Variants in GRAP2 observed in about 807,000 individuals in gnomAD.
GRAP2 encodes the protein GRB2-related adapter protein 2.
A neutral mutation model predicts 43.5 loss-of-function variants in GRAP2; 31 were observed. That is an observed-to-expected ratio of 0.71 (90% CI 0.54 to 0.96). The LOEUF is 0.96. GRAP2 is among the 40% of genes least tolerant of loss of function. The probability of loss-of-function intolerance (pLI) is 0.00; values close to 1 mark genes in which losing one functional copy is unlikely to be tolerated. For synonymous variants in GRAP2, 156 were observed against 164.8 expected, an observed-to-expected ratio of 0.95 and a Z score of 0.41; for missense variants, 371 against 424.4, an observed-to-expected ratio of 0.87 and a Z score of 1.11.
At chr22:39,898,892 A>T (rs570025800), upstream of GRAP2, among the ~76,000 whole-genome samples, 275 of 152,322 alleles carry the variant, frequency 1.8e-3, 2 homozygotes, top group African/African-American at 6.2e-3. Context: ...GGAATTGATT[A>T]AAAAAATTTT....
intron 1 of GRAP2, among the ~76,000 whole-genome samples, chr22:39,918,480 T>A (rs1009460249): frequency 1.3e-5 from 2 of 152,150 alleles, no homozygotes; most frequent in Admixed American, 1.3e-4. Flanking sequence ...CGACACTGAG[T>A]TGTGTCTTGT....
At chr22:39,911,214 A>G (rs1463859198) in intron 1 of GRAP2, among the ~76,000 whole-genome samples, 1 of 152,168 alleles carries the variant, frequency 6.6e-6, no homozygotes, top group Non-Finnish European at 1.5e-5. Context: ...TGTGAAAGTT[A>G]ATGACTTCAT....
rs4820393 is a variant in GRAP2 at position 39,969,642 on chromosome 22, G to A, written c.813+109G>A. 150 of 1,202,458 alleles carry A rather than the reference G, an allele frequency of 1.2e-4. 1 individual carries two copies. The Middle Eastern group carries it at 1.4e-3, about 11-fold the overall frequency. 74.5% of individuals were successfully genotyped at this position (1,202,458 alleles called of 1,614,324 possible). On this transcript the variant is annotated intron_variant, in intron 7 of 7. Transcript: ENST00000344138. ...AAACCACACAGATCTGGCTGGGCAC[G>A]GTGGCTCACACCTGTAATCCCAACA...
chr22:39,971,311 C>T lies in GRAP2; in HGVS notation c.*227C>T, dbSNP rs1189872404. On this transcript the variant is annotated 3_prime_UTR_variant, in exon 8 of 8. Transcript: ENST00000344138. ...TTGACACTTGCTTTTCTGCCCCCCT[C>T]AGGGGTGTGTGGAAGGCAGTGGGGG... 1.9e-6 allele frequency: 1 copy of T among 514,094 alleles called. No individual in the cohort carries two copies. Among genetic ancestry groups the T allele is most frequent in the Admixed American group, 4.1e-5 (1 of 24,182 alleles). The allele number at this position is 514,094 out of a possible 1,614,324, so 31.8% of individuals were successfully genotyped here. A position where few individuals can be genotyped will look rare whatever the true frequency, so the allele number is the denominator to read the frequency against.
At chr22:39,966,246 G>A (rs945691756) in intron 5 of GRAP2, 88 bp downstream of exon 5, 35 of 989,692 alleles carry the variant, frequency 3.5e-5, no homozygotes, top group Non-Finnish European at 5.0e-5. Flanking sequence ...GCATAGGATG[G>A]GTAGATCCTC....
At chr22:39,913,275 G>T (rs1389638446) in intron 1 of GRAP2, among the ~76,000 whole-genome samples, 2 of 152,068 alleles carry the variant, frequency 1.3e-5, no homozygotes, top group Non-Finnish European at 2.9e-5. Context: ...GTGGAAGGAG[G>T]TGTGGGAGAA....
intron 6 of GRAP2, chr22:39,968,507 A>C: frequency 1.8e-6 from 1 of 546,926 alleles, no homozygotes. Context: ...ACACACTTAA[A>C]CTCACACACA....
chr22:39,946,949 G>T lies in GRAP2; in HGVS notation c.-14-144G>T, dbSNP rs1343612825. 4.7e-6 allele frequency: 3 copies of T among 633,754 alleles called. No homozygotes were observed. In the East Asian group the frequency reaches 8.2e-5, roughly 17 times the overall value. The allele number at this position is 633,754 out of a possible 1,614,324, so 39.3% of individuals were successfully genotyped here. On this transcript the variant is annotated intron_variant, in intron 1 of 7. Coordinates refer to ENST00000344138, the MANE Select transcript of GRAP2 (RefSeq NM_004810.4). ...GCTCTTCCTGCAAACACAAGCCCTT[G>T]TTGTGTGCCTGAGCCTTGCTCTCCG...
intron 4 of GRAP2, chr22:39,960,428 C>T (rs2067106802): frequency 2.3e-6 from 1 of 441,744 alleles, no homozygotes; most frequent in Admixed American, 3.4e-5. Flanking sequence ...AGCCCAGGTG[C>T]TTCTGGAAGG....
Position 39,969,621 on chromosome 22 carries a change from C to T in GRAP2, c.813+88C>T, listed in dbSNP as rs908398736. On this transcript the variant is annotated intron_variant, in intron 7 of 7. Transcript: ENST00000344138. ...GAGATGAGGCAGGAGAGACTCAAAC[C>T]ACACAGATCTGGCTGGGCACGGTGG... 9 of 1,434,710 alleles carry T rather than the reference C, an allele frequency of 6.3e-6. 1 individual carries two copies. Among genetic ancestry groups the T allele is most frequent in the Admixed American group, 5.5e-5 (3 of 54,166 alleles). 88.9% of individuals were successfully genotyped at this position (1,434,710 alleles called of 1,614,324 possible). A position where few individuals can be genotyped will look rare whatever the true frequency, so the allele number is the denominator to read the frequency against.
intron 1 of GRAP2, among the ~76,000 whole-genome samples, chr22:39,931,064 G>A (rs2066750778): frequency 6.6e-6 from 1 of 152,176 alleles, no homozygotes; most frequent in Non-Finnish European, 1.5e-5. Context: ...CTACAAGACT[G>A]AACTGTCTGA....
intron 1 of GRAP2, among the ~76,000 whole-genome samples, chr22:39,940,584 T>TA (rs2066858234): frequency 1.3e-5 from 2 of 152,226 alleles, no homozygotes; most frequent in South Asian, 4.1e-4. Flanking sequence ...GGTAATAAAC[T>TA]AAGGCAGAAA....
intron 7 of GRAP2, 25 bp downstream of exon 7, chr22:39,969,558 A>T (rs529130629): frequency 1.9e-5 from 31 of 1,612,530 alleles, no homozygotes; most frequent in Middle Eastern, 3.3e-4. Flanking sequence ...CTTCTCTGGG[A>T]TCCCTGGGGA....
chr22:39,895,064 C>G, the GRAP2 span, among the ~76,000 whole-genome samples: 1 of 152,184 alleles, frequency 6.6e-6, no homozygotes, highest in Non-Finnish European at 1.5e-5. Context: ...GTTACTACAA[C>G]TGTCACAAAG....
intron 3 of GRAP2, among the ~76,000 whole-genome samples, chr22:39,958,343 C>G (rs576601560): frequency 1.3e-5 from 2 of 152,158 alleles, no homozygotes; most frequent in Non-Finnish European, 2.9e-5. Context: ...CGCCCCATCT[C>G]TCCTCTCAGT....
intron 4 of GRAP2, chr22:39,964,501 C>G (rs2067151696): frequency 9.6e-7 from 1 of 1,036,468 alleles, no homozygotes; most frequent in African/African-American, 1.6e-5. Flanking sequence ...ACTCGAGGTG[C>G]TAAAAGCGAA....
At chr22:39,939,639 T>C (rs935331502) in intron 1 of GRAP2, among the ~76,000 whole-genome samples, 4 of 150,570 alleles carry the variant, frequency 2.7e-5, no homozygotes, top group African/African-American at 9.8e-5. Flanking sequence ...AACTGTTGGC[T>C]GTAAACCTTC....
At chr22:39,899,368 A>G (rs2066478575), upstream of GRAP2, among the ~76,000 whole-genome samples, 1 of 152,188 alleles carries the variant, frequency 6.6e-6, no homozygotes, top group South Asian at 2.1e-4. Flanking sequence ...CCACTCCCCA[A>G]CCATAGAATT....
At chr22:39,964,028 C>CCACT (rs1487017930) in intron 4 of GRAP2, 1 of 192,166 alleles carries the variant, frequency 5.2e-6, no homozygotes, top group African/African-American at 2.4e-5. Context: ...AAAGAAACCT[C>CCACT]CACTTACTCT....
Sources: gnomAD v4.1 joint callset for allele counts (sites outside exome capture counted in the v4.1 genomes callset) on GRCh38, gnomAD v4.1.1 for gene constraint, MANE v1.5 for transcripts, NCBI Gene and HGNC (gene_info 2026-07-23, HGNC 2026-07-21) for gene names.